CACNG5: variants seen among roughly 807,000 people sequenced by gnomAD.
CACNG5 encodes voltage-dependent calcium channel gamma-5 subunit.
CACNG5 carries 18 observed loss-of-function variants against 24.8 expected under a neutral mutation model. The ratio of observed to expected loss-of-function variants is 0.73; its 90% confidence interval spans 0.50 to 1.08. The LOEUF (loss-of-function observed/expected upper bound fraction) is 1.08, where lower values mean the gene tolerates loss of function less well. Ranked by LOEUF, CACNG5 falls within the 50% of genes least tolerant of loss-of-function variation. The probability of loss-of-function intolerance (pLI) is 0.00; values close to 1 mark genes in which losing one functional copy is unlikely to be tolerated. For missense variants in CACNG5, 349 were observed against 367.9 expected (o/e 0.95, Z 0.42); for synonymous variants, 157 against 149.1 (o/e 1.05, Z -0.39).
rs369106398 is a variant in CACNG5 at position 66,845,140 on chromosome 17, C to T, written c.-104+9890C>T. Among the ~76,000 whole-genome samples the T allele has an allele frequency of 2.2e-3, 332 of 152,188 alleles. 11 individuals carry two copies. The South Asian group carries it at 0.065, about 30-fold the overall frequency. Reference sequence around the variant, plus strand: ...AAAAAGAATGAGTTCATGTCCTTTGCGGGGACATGGATGAAGCTGGAAAAC... The same window carrying T: ...AAAAAGAATGAGTTCATGTCCTTTGTGGGGACATGGATGAAGCTGGAAAAC... On this transcript the variant is annotated intron_variant, in intron 1 of 5. Transcript: ENST00000533854.
Position 66,886,185 on chromosome 17 carries a change from C to T in CACNG5, c.*945C>T, listed in dbSNP as rs968694660. Among the ~76,000 whole-genome samples, 1 of 152,212 alleles carries T rather than the reference C, an allele frequency of 6.6e-6. No homozygotes were observed. Among genetic ancestry groups the T allele is most frequent in the African/African-American group, 2.4e-5 (1 of 41,452 alleles). ...GGAATCTTGTAGACATCTGTCTAAA[C>T]CACCTAAGTGGAAGGTTGCCTTCGA... is the stretch of plus-strand genomic sequence containing the variant. On this transcript the variant is annotated 3_prime_UTR_variant, in exon 6 of 6. Transcript: ENST00000533854.
At chr17:66,874,522 A>G (rs902484698) in intron 1 of CACNG5, among the ~76,000 whole-genome samples, 1 of 152,350 alleles carries the variant, frequency 6.6e-6, no homozygotes, top group East Asian at 1.9e-4. Flanking sequence ...CTGAGGCTTT[A>G]TAACAACTGT....
intron 2 of CACNG5, 143 bp from the exon 3 acceptor site, chr17:66,878,829 C>A: frequency 1.6e-6 from 1 of 637,594 alleles, no homozygotes; most frequent in Non-Finnish European, 2.7e-6. Flanking sequence ...GGGACAGGAC[C>A]CCCATAGGGT....
At chr17:66,857,888 T>C (rs996810404) in intron 1 of CACNG5, among the ~76,000 whole-genome samples, 1 of 152,150 alleles carries the variant, frequency 6.6e-6, no homozygotes, top group African/African-American at 2.4e-5. Flanking sequence ...ATATAGTTGG[T>C]CTCAGAAGCA....
In CACNG5 at chr17:66,877,361, C is replaced by A; in HGVS notation, c.29C>A (p.Thr10Asn). The A allele has an allele frequency of 6.2e-7, 1 of 1,614,110 alleles. No homozygotes were observed. The highest frequency in any genetic ancestry group is 8.5e-7 in the Non-Finnish European group (1 of 1,179,984). Residue 10 changes from threonine to asparagine, a missense_variant, in exon 2 of 6, where the codon ACC becomes AAC. Coordinates refer to ENST00000533854, the MANE Select transcript of CACNG5 (RefSeq NM_145811.3). ...AGTGCCTGCGGGAGGAAGGCCCTGA[C>A]CCTGCTGAGCAGTGTCTTTGCTGTC... is the stretch of plus-strand genomic sequence containing the variant. MSACGRKAL[T>N]LLSSVFAVCG...
rs1977364231 is a variant in CACNG5 at position 66,892,923 on chromosome 17, C to T, written c.*7683C>T. On this transcript the variant is annotated 3_prime_UTR_variant, in exon 6 of 6. Coordinates refer to ENST00000533854, the MANE Select transcript of CACNG5 (RefSeq NM_145811.3). Reference sequence around the variant, plus strand: ...ACCATCTTCAACCCAGGCACAGTCTCTTGCAAATGTCGATTCAGATACTAC... The same window carrying T: ...ACCATCTTCAACCCAGGCACAGTCTTTTGCAAATGTCGATTCAGATACTAC... 6.6e-6 allele frequency among the ~76,000 whole-genome samples: 1 copy of T among 152,306 alleles called. No homozygotes were observed. Among genetic ancestry groups the T allele is most frequent in the Non-Finnish European group, 1.5e-5 (1 of 68,026 alleles).
At chr17:66,835,950 C>G (rs1976477436) in intron 1 of CACNG5, among the ~76,000 whole-genome samples, 1 of 152,246 alleles carries the variant, frequency 6.6e-6, no homozygotes, top group African/African-American at 2.4e-5. Flanking sequence ...GATCTTTGCT[C>G]TCATCCTAAT....
intron 1 of CACNG5, among the ~76,000 whole-genome samples, chr17:66,839,685 CTG>C (rs1826034295): frequency 2.0e-5 from 3 of 149,978 alleles, no homozygotes; most frequent in South Asian, 2.1e-4. Context: ...GTCAGTGAGT[CTG>C]GGGGCTGGGC....
intron 1 of CACNG5, among the ~76,000 whole-genome samples, chr17:66,860,198 C>A (rs1284385179): frequency 6.6e-6 from 1 of 152,088 alleles, no homozygotes; most frequent in Non-Finnish European, 1.5e-5. Flanking sequence ...GATAACTGGG[C>A]TAGATTGCTG....
intron 3 of CACNG5, 123 bp from the exon 4 acceptor site, chr17:66,880,434 C>A (rs1460098601): frequency 1.8e-5 from 21 of 1,190,916 alleles, no homozygotes; most frequent in Non-Finnish European, 2.4e-5. Flanking sequence ...GTCTGGGGAA[C>A]CCCTGCAGGG....
intron 1 of CACNG5, among the ~76,000 whole-genome samples, chr17:66,866,376 C>A (rs1363246401): frequency 1.3e-5 from 2 of 152,146 alleles, no homozygotes; most frequent in Non-Finnish European, 2.9e-5. Context: ...CTCAGGTGAT[C>A]TTCTCGCTTC....
At chr17:66,841,816 C>T (rs1422596630) in intron 1 of CACNG5, among the ~76,000 whole-genome samples, 4 of 152,206 alleles carry the variant, frequency 2.6e-5, no homozygotes, top group Non-Finnish European at 5.9e-5. Context: ...AACGTCTGCT[C>T]TGTGTCAAGG....
At chr17:66,877,561 C>T (rs758634551) in intron 2 of CACNG5, 33 bp downstream of exon 2, 1 of 1,575,624 alleles carries the variant, frequency 6.3e-7, no homozygotes. Flanking sequence ...ACAGCCCTGC[C>T]CCCTGACATC....
At chr17:66,872,600 C>G (rs1406825272) in intron 1 of CACNG5, among the ~76,000 whole-genome samples, 3 of 152,234 alleles carry the variant, frequency 2.0e-5, no homozygotes, top group Non-Finnish European at 2.9e-5. Flanking sequence ...GGAAAAAGCA[C>G]TGGGTCAGGA....
chr17:66,877,354 G>T lies in CACNG5; in HGVS notation c.22G>T (p.Ala8Ser). 6.2e-7 allele frequency: 1 copy of T among 1,614,022 alleles called. No individual in the cohort carries two copies. The highest frequency in any genetic ancestry group is 1.1e-5 in the South Asian group (1 of 91,066). Residue 8 changes from alanine (A) to serine (S), a missense_variant, in exon 2 of 6, where the codon GCC becomes TCC. By Grantham distance (99) the Ala-to-Ser change is moderately conservative. Transcript: ENST00000533854. MSACGRK[A>S]LTLLSSVFAV... ...GAAGATGAGTGCCTGCGGGAGGAAG[G>T]CCCTGACCCTGCTGAGCAGTGTCTT... is the stretch of plus-strand genomic sequence containing the variant.
In CACNG5 at chr17:66,884,635, G is replaced by T. The variant is rs187075595; in HGVS notation, c.544G>T (p.Ala182Ser). 5 of 1,614,124 alleles carry T rather than the reference G, an allele frequency of 3.1e-6. No individual in the cohort carries two copies. The Admixed American group carries it at 6.7e-5, about 22-fold the overall frequency. ...CAAGTATGGGTGGTCGTTTGCCTTC[G>T]CCGCCATCTCCTTCCTTTTAACGGA... is the stretch of plus-strand genomic sequence containing the variant. The part of the protein sequence containing the change: ...NYKYGWSFAF[A>S]AISFLLTESA... Residue 182 changes from alanine to serine, a missense_variant, in exon 5 of 6, where the codon GCC (alanine) becomes TCC (serine). By Grantham distance (99) the Ala-to-Ser change is moderately conservative. Coordinates refer to ENST00000533854, the MANE Select transcript of CACNG5 (RefSeq NM_145811.3).
intron 1 of CACNG5, among the ~76,000 whole-genome samples, chr17:66,871,095 T>C (rs1344840265): frequency 1.3e-5 from 2 of 151,742 alleles, no homozygotes; most frequent in African/African-American, 4.8e-5. Flanking sequence ...GTGAGAGGAG[T>C]GTCAAAGATT....
intron 1 of CACNG5, among the ~76,000 whole-genome samples, chr17:66,843,109 C>G (rs1976589613): frequency 6.6e-6 from 1 of 152,216 alleles, no homozygotes; most frequent in Non-Finnish European, 1.5e-5. Flanking sequence ...ATGGAATCCC[C>G]TGCCATAATC....
rs868347222 is a variant in CACNG5 at position 66,880,647 on chromosome 17, C to G, written c.374C>G (p.Pro125Arg). Residue 125 changes from proline to arginine, a missense_variant, in exon 4 of 6, where the codon CCC becomes CGC. Coordinates refer to ENST00000533854, the MANE Select transcript of CACNG5 (RefSeq NM_145811.3). Reference sequence around the variant, plus strand: ...CTGAACAACATCGGACACATCCGTCCCCACCGGACGATACTGGCCTTTGTC... The same window carrying G: ...CTGAACAACATCGGACACATCCGTCGCCACCGGACGATACTGGCCTTTGTC... ...FILNNIGHIR[P>R]HRTILAFVSG... is the part of the protein sequence containing the mutation. The G allele has an allele frequency of 6.2e-7, 1 of 1,614,108 alleles. No homozygotes were observed. Among genetic ancestry groups the G allele is most frequent in the African/African-American group, 1.3e-5 (1 of 74,954 alleles).
Sources: allele counts gnomAD v4.1 joint callset (sites outside exome capture counted in the v4.1 genomes callset), GRCh38; gene constraint gnomAD v4.1.1; transcripts MANE v1.5; gene names NCBI Gene and HGNC (gene_info 2026-07-23, HGNC 2026-07-21).